EBF2: variants seen among roughly 807,000 people sequenced by gnomAD.
EBF2 encodes the protein EBF transcription factor 2, also known as transcription factor COE2.
Under a neutral mutation model 72.8 loss-of-function variants are expected in EBF2, and 21 were observed. The observed-to-expected ratio is 0.29, with a 90% CI of 0.20 to 0.42. EBF2 has a LOEUF of 0.42. EBF2 is among the 10% of genes least tolerant of loss of function. The pLI is 1.00. For synonymous variants in EBF2, 299 were observed against 274.2 expected (o/e 1.09, Z -0.89); for missense variants, 637 against 731.2 (o/e 0.87, Z 1.49).
chr8:25,882,268 G>A (rs1235414615), intron 10 of EBF2, among the ~76,000 whole-genome samples: 3 of 152,148 alleles, frequency 2.0e-5, no homozygotes, highest in African/African-American at 2.4e-5. Context: ...CTGAAGAAGC[G>A]AGCCACAGCC....
chr8:25,933,394 C>A (rs954061529), intron 6 of EBF2, among the ~76,000 whole-genome samples: 2 of 152,184 alleles, frequency 1.3e-5, no homozygotes, highest in African/African-American at 4.8e-5. Context: ...GGGACCGTAG[C>A]TTCACCACAC....
chr8:25,942,310 T>C (rs1585203169), intron 6 of EBF2, among the ~76,000 whole-genome samples: 1 of 152,368 alleles, frequency 6.6e-6, no homozygotes, highest in East Asian at 1.9e-4. Flanking sequence ...ACATAATGCA[T>C]AGTGATCAAG....
chr8:25,992,408 A>C (rs1342744770), intron 6 of EBF2, among the ~76,000 whole-genome samples: 1 of 151,782 alleles, frequency 6.6e-6, no homozygotes, highest in Non-Finnish European at 1.5e-5. Context: ...GAGTGGAGAA[A>C]GTCTTTTCCA....
At chr8:25,918,214 C>G (rs1334743973) in intron 6 of EBF2, among the ~76,000 whole-genome samples, 1 of 152,210 alleles carries the variant, frequency 6.6e-6, no homozygotes, top group Non-Finnish European at 1.5e-5. Context: ...CCTATCGCAA[C>G]TATGGGTTCA....
At chr8:26,011,813 A>T (rs55681479) in intron 6 of EBF2, among the ~76,000 whole-genome samples, 96,997 of 149,920 alleles carry the variant, frequency 0.65, 31,589 homozygotes, top group East Asian at 0.81. Flanking sequence ...CTTTTTTTTA[A>T]AAAAAAAAAG....
At chr8:25,992,657 C>T (rs1392576656) in intron 6 of EBF2, among the ~76,000 whole-genome samples, 1 of 152,024 alleles carries the variant, frequency 6.6e-6, no homozygotes, top group Non-Finnish European at 1.5e-5. Flanking sequence ...AATCCCAGCA[C>T]TTTCGGAGGC....
At chr8:25,934,273 ACAC>A (rs1803538153) in intron 6 of EBF2, among the ~76,000 whole-genome samples, 2 of 136,298 alleles carry the variant, frequency 1.5e-5, no homozygotes, top group South Asian at 4.6e-4. Context: ...ACACACACAC[ACAC>A]CAATCTTGTT....
At chr8:25,856,998 T>C (rs554812433) in intron 14 of EBF2, among the ~76,000 whole-genome samples, 113 of 152,314 alleles carry the variant, frequency 7.4e-4, no homozygotes, top group Non-Finnish European at 5.3e-4. Flanking sequence ...TTTCATACTA[T>C]CTATTTGACT....
Position 25,862,690 on chromosome 8 carries a change from A to C in EBF2, c.1098+19T>G. The C allele has an allele frequency of 1.9e-6, 3 of 1,559,416 alleles. No homozygotes were observed. The highest frequency in any genetic ancestry group is 1.9e-5 in the Admixed American group (1 of 52,086). On this transcript the variant is annotated intron_variant, in intron 11 of 15. Transcript: ENST00000520164. ...TTCTACACAAATGGCTTCACATGTC[A>C]ATTTCCAAAGCACATTACCTTAGCT...
chr8:26,027,816 T>C (rs949455001), intron 6 of EBF2, among the ~76,000 whole-genome samples: 1 of 152,136 alleles, frequency 6.6e-6, no homozygotes, highest in Non-Finnish European at 1.5e-5. Flanking sequence ...TGCTACAACA[T>C]GGAGAGTCCT....
At chr8:25,979,948 A>G (rs1804333091) in intron 6 of EBF2, among the ~76,000 whole-genome samples, 1 of 152,186 alleles carries the variant, frequency 6.6e-6, no homozygotes, top group South Asian at 2.1e-4. Flanking sequence ...TTGTGGTTAA[A>G]TCATCTCATA....
At chr8:25,962,289 T>C (rs1358202360) in intron 6 of EBF2, among the ~76,000 whole-genome samples, 1 of 152,188 alleles carries the variant, frequency 6.6e-6, no homozygotes, top group Non-Finnish European at 1.5e-5. Flanking sequence ...GTTGTGGTTC[T>C]CTGACACACC....
intron 6 of EBF2, among the ~76,000 whole-genome samples, chr8:25,981,527 C>T (rs11990648): frequency 0.11 from 16,343 of 151,958 alleles, 1,251 homozygotes; most frequent in East Asian, 0.32. Flanking sequence ...GTGGAAGGCC[C>T]GATGTGGTGG....
At chr8:25,963,480 G>A (rs1478514120) in intron 6 of EBF2, among the ~76,000 whole-genome samples, 7 of 152,140 alleles carry the variant, frequency 4.6e-5, no homozygotes, top group Non-Finnish European at 8.8e-5. Context: ...TTGCAACAAA[G>A]CCCCGGTGCT....
chr8:25,889,668 C>T, intron 8 of EBF2, 84 bp downstream of exon 8: 1 of 1,100,466 alleles, frequency 9.1e-7, no homozygotes, highest in Non-Finnish European at 1.4e-6. Context: ...TCTGCTCTGA[C>T]TCCAAGACAT....
intron 6 of EBF2, among the ~76,000 whole-genome samples, chr8:26,020,423 A>AGGGTAGGTGT (rs1805186323): frequency 6.6e-6 from 1 of 152,218 alleles, no homozygotes; most frequent in Non-Finnish European, 1.5e-5. Flanking sequence ...CTACAGTGAA[A>AGGGTAGGTGT]CCAGCATTTT....
At chr8:25,858,586 C>T in intron 13 of EBF2, 82 bp from the exon 14 acceptor site, 1 of 1,399,148 alleles carries the variant, frequency 7.1e-7, no homozygotes, top group Non-Finnish European at 9.7e-7. Context: ...TCCTCATTGG[C>T]CCCAGACTGC....
At chr8:25,946,172 T>C (rs948176474) in intron 6 of EBF2, among the ~76,000 whole-genome samples, 5 of 152,250 alleles carry the variant, frequency 3.3e-5, no homozygotes, top group Non-Finnish European at 5.9e-5. Flanking sequence ...AAATCTCCTA[T>C]GCCTTTCTCA....
At chr8:25,853,205 T>G (rs1802018269) in intron 14 of EBF2, among the ~76,000 whole-genome samples, 2 of 151,996 alleles carry the variant, frequency 1.3e-5, no homozygotes, top group Non-Finnish European at 2.9e-5. Flanking sequence ...TGGTTAGAGG[T>G]TCACAAGATA....
Sources: allele counts gnomAD v4.1 joint callset (sites outside exome capture counted in the v4.1 genomes callset), GRCh38; gene constraint gnomAD v4.1.1; transcripts MANE v1.5; gene names NCBI Gene and HGNC (gene_info 2026-07-23, HGNC 2026-07-21).